The following METTL15 variants were observed in gnomAD, a reference collection of about 807,000 sequenced individuals.
The protein encoded by METTL15 is 12S rRNA N(4)-cytidine methyltransferase METTL15.
In METTL15, 34 loss-of-function variants were observed where a neutral mutation model predicts 38.3. The ratio of observed to expected loss-of-function variants is 0.89; its 90% CI spans 0.68 to 1.18. The LOEUF is 1.18. Ranked by LOEUF, METTL15 falls within the 50% of genes most tolerant of loss-of-function variation. The pLI is 0.00. For missense variants in METTL15, 438 were observed against 498.4 expected (o/e 0.88, Z 1.15); for synonymous variants, 162 against 170.9 (o/e 0.95, Z 0.41).
At chr11:28,435,130 A>G (rs1850970121) in intron 6 of METTL15, among the ~76,000 whole-genome samples, 1 of 152,144 alleles carries the variant, frequency 6.6e-6, no homozygotes, top group Non-Finnish European at 1.5e-5. Flanking sequence ...AACATGCTTG[A>G]CCACGTGAAA....
intron 3 of METTL15, among the ~76,000 whole-genome samples, chr11:28,139,067 G>T (rs974819342): frequency 3.9e-5 from 6 of 152,134 alleles, no homozygotes; most frequent in Non-Finnish European, 8.8e-5. Flanking sequence ...CAGCTGTTAA[G>T]AACTTTTACT....
chr11:28,347,005 T>C (rs1308260912), intron 3 of METTL15, among the ~76,000 whole-genome samples: 2 of 152,248 alleles, frequency 1.3e-5, no homozygotes, highest in East Asian at 3.8e-4. Flanking sequence ...AAAATGTCTA[T>C]GACTCTTGTA....
chr11:28,474,789 G>C (rs1411075245), intron 6 of METTL15, among the ~76,000 whole-genome samples: 1 of 152,068 alleles, frequency 6.6e-6, no homozygotes, highest in Non-Finnish European at 1.5e-5. Context: ...GATAATGAAG[G>C]GTGGACTCTA....
intron 5 of METTL15, among the ~76,000 whole-genome samples, chr11:28,408,574 A>T (rs1454298355): frequency 6.6e-6 from 1 of 152,192 alleles, no homozygotes; most frequent in Non-Finnish European, 1.5e-5. Context: ...AAGACATAAT[A>T]TGTAATAATA....
At chr11:28,527,606 A>G (rs551377304), downstream of METTL15, among the ~76,000 whole-genome samples, 33 of 152,192 alleles carry the variant, frequency 2.2e-4, no homozygotes, top group Non-Finnish European at 4.3e-4. Flanking sequence ...CACAATTGCA[A>G]CTTTGCTGTC....
chr11:28,518,608 T>C (rs1278666912), intron 6 of METTL15, among the ~76,000 whole-genome samples: 1 of 152,210 alleles, frequency 6.6e-6, no homozygotes, highest in Non-Finnish European at 1.5e-5. Flanking sequence ...GGGTTAGCCA[T>C]GTCATCCTCA....
intron 4 of METTL15, among the ~76,000 whole-genome samples, chr11:28,275,816 C>T (rs555935682): frequency 5.9e-5 from 9 of 152,104 alleles, no homozygotes; most frequent in Admixed American, 1.3e-4. Context: ...AAACATAATA[C>T]ATCACATCAA....
chr11:28,134,654 A>AGGC, intron 3 of METTL15: 2 of 398,392 alleles, frequency 5.0e-6, no homozygotes, highest in Non-Finnish European at 4.4e-6. Flanking sequence ...AGGTCAGTTT[A>AGGC]AGGGTCCTGG....
intron 5 of METTL15, among the ~76,000 whole-genome samples, chr11:28,374,987 G>T (rs1474862091): frequency 6.6e-6 from 1 of 151,048 alleles, no homozygotes; most frequent in Admixed American, 6.6e-5. Flanking sequence ...TGCATATATT[G>T]AACCAGCCTT....
chr11:28,374,121 T>A (rs773923142), intron 5 of METTL15, among the ~76,000 whole-genome samples: 2 of 152,188 alleles, frequency 1.3e-5, no homozygotes, highest in Non-Finnish European at 2.9e-5. Context: ...CTTTGTTCTT[T>A]TGGCTTAGGA....
chr11:28,426,599 T>C (rs1293104969), intron 6 of METTL15, among the ~76,000 whole-genome samples: 2 of 151,156 alleles, frequency 1.3e-5, no homozygotes, highest in Non-Finnish European at 2.9e-5. Context: ...TTTTTTTTTT[T>C]TTTTTTTGAC....
intron 6 of METTL15, among the ~76,000 whole-genome samples, chr11:28,451,152 CA>C (rs1171564889): frequency 2.0e-5 from 3 of 152,224 alleles, no homozygotes; most frequent in Non-Finnish European, 2.9e-5. Context: ...TACCACAGCT[CA>C]AAAAACTTAC....
At chr11:28,366,349 T>C (rs2133371652) in intron 5 of METTL15, among the ~76,000 whole-genome samples, 1 of 152,238 alleles carries the variant, frequency 6.6e-6, no homozygotes, top group Non-Finnish European at 1.5e-5. Context: ...ATTATATCCA[T>C]CTATAAATAA....
intron 4 of METTL15, among the ~76,000 whole-genome samples, chr11:28,233,260 A>G (rs745380394): frequency 1.3e-5 from 2 of 152,128 alleles, no homozygotes; most frequent in African/African-American, 4.8e-5. Context: ...ATAGATAATA[A>G]TTAAAAGAAG....
At chr11:28,283,451 A>G (rs1222453413) in intron 4 of METTL15, among the ~76,000 whole-genome samples, 4 of 152,152 alleles carry the variant, frequency 2.6e-5, no homozygotes, top group Non-Finnish European at 4.4e-5. Context: ...TTGTGAAGCA[A>G]TTTGTTCTTA....
At chr11:28,295,199 T>A (rs535176719) in intron 5 of METTL15, among the ~76,000 whole-genome samples, 4 of 152,266 alleles carry the variant, frequency 2.6e-5, no homozygotes, top group African/African-American at 4.8e-5. Flanking sequence ...TATTTCTGTT[T>A]TACAATTGTG....
intron 3 of METTL15, among the ~76,000 whole-genome samples, chr11:28,134,833 T>G (rs1849462346): frequency 6.6e-6 from 1 of 152,238 alleles, no homozygotes; most frequent in African/African-American, 2.4e-5. Flanking sequence ...AGATAGCTGG[T>G]AGCTAGCTAT....
At chr11:28,157,079 G>A (rs1244134535) in intron 3 of METTL15, among the ~76,000 whole-genome samples, 3 of 152,172 alleles carry the variant, frequency 2.0e-5, no homozygotes, top group African/African-American at 7.2e-5. Flanking sequence ...CTAATACTGA[G>A]TGTCAACTTG....
At chr11:28,187,925 GA>G (rs1443883013) in intron 3 of METTL15, among the ~76,000 whole-genome samples, 1 of 151,122 alleles carries the variant, frequency 6.6e-6, no homozygotes, top group East Asian at 1.9e-4. Flanking sequence ...CTTCTGATAT[GA>G]AAAGGTCTTT....
Sources: allele counts gnomAD v4.1 joint callset (sites outside exome capture counted in the v4.1 genomes callset), GRCh38; gene constraint gnomAD v4.1.1; transcripts MANE v1.5; gene names NCBI Gene and HGNC (gene_info 2026-07-23, HGNC 2026-07-21).